Variants in PDE4D observed in about 807,000 individuals in gnomAD.
The protein encoded by PDE4D is 3',5'-cyclic-AMP phosphodiesterase 4D.
PDE4D carries 24 observed loss-of-function variants against 87.4 expected under a neutral mutation model. The observed-to-expected ratio is 0.27, with a 90% confidence interval of 0.20 to 0.39. The LOEUF is 0.39. Ranked by LOEUF, PDE4D falls within the 10% of genes least tolerant of loss-of-function variation. The probability of loss-of-function intolerance (pLI) is 1.00; values close to 1 mark genes in which losing one functional copy is unlikely to be tolerated. For missense variants in PDE4D, 714 were observed against 1,041.0 expected (o/e 0.69, Z 4.32); for synonymous variants, 384 against 383.2 (o/e 1.00, Z -0.02).
rs1763138107 is a variant in PDE4D at position 59,768,784 on chromosome 5, C to T, written c.455+124384G>A. On this transcript the variant is annotated intron_variant, in intron 1 of 14. Transcript: ENST00000340635. Reference sequence around the variant, plus strand: ...GCAAATGAACAAGGAGGGAAAGCACCGCGCTCGCACGGCTTTGTCCGTGCT... The same window carrying T: ...GCAAATGAACAAGGAGGGAAAGCACTGCGCTCGCACGGCTTTGTCCGTGCT... 3 of 633,714 alleles carry T rather than the reference C, an allele frequency of 4.7e-6. No individual in the cohort carries two copies. In the Admixed American group the frequency reaches 1.1e-4, roughly 22 times the overall value. 39.3% of individuals were successfully genotyped at this position (633,714 alleles called of 1,614,324 possible). A position where few individuals can be genotyped will look rare whatever the true frequency, so the allele number is the denominator to read the frequency against.
intron 1 of PDE4D, among the ~76,000 whole-genome samples, chr5:59,402,909 CTAAA>C (rs1314007234): frequency 6.6e-6 from 1 of 152,104 alleles, no homozygotes; most frequent in Non-Finnish European, 1.5e-5. Flanking sequence ...CAATTATTGG[CTAAA>C]TAAACATTCA....
At chr5:59,047,380 A>C (rs1297808104) in intron 5 of PDE4D, among the ~76,000 whole-genome samples, 2 of 152,256 alleles carry the variant, frequency 1.3e-5, no homozygotes, top group African/African-American at 4.8e-5. Context: ...AGTTTAGATC[A>C]GACAGTGGAC....
intron 2 of PDE4D, among the ~76,000 whole-genome samples, chr5:60,126,325 C>T (rs1779120996): frequency 6.6e-6 from 1 of 152,042 alleles, no homozygotes; most frequent in African/African-American, 2.4e-5. Context: ...CTCTAAATAT[C>T]AAGCAGAAAA....
chr5:59,085,334 T>G (rs1767469185), intron 5 of PDE4D, among the ~76,000 whole-genome samples: 3 of 152,264 alleles, frequency 2.0e-5, no homozygotes, highest in African/African-American at 7.2e-5. Context: ...CTCATTGTTG[T>G]TAGTAAAACT....
chr5:59,261,661 C>T (rs1762028798), intron 1 of PDE4D, among the ~76,000 whole-genome samples: 2 of 151,392 alleles, frequency 1.3e-5, no homozygotes, highest in East Asian at 3.9e-4. Flanking sequence ...TTTTGTGTTC[C>T]CTCTCTACAG....
At chr5:60,046,762 G>A (rs1339799405) in intron 2 of PDE4D, among the ~76,000 whole-genome samples, 3 of 152,092 alleles carry the variant, frequency 2.0e-5, no homozygotes, top group African/African-American at 4.8e-5. Context: ...TGCTGGATTT[G>A]GTTTGCCAGT....
intron 1 of PDE4D, among the ~76,000 whole-genome samples, chr5:59,776,635 G>A (rs952640916): frequency 3.3e-5 from 5 of 152,060 alleles, no homozygotes; most frequent in African/African-American, 1.2e-4. Flanking sequence ...GAGTGGGAGA[G>A]CAATGCCTAA....
chr5:59,310,663 C>CT (rs1337527559), intron 1 of PDE4D, among the ~76,000 whole-genome samples: 2 of 152,196 alleles, frequency 1.3e-5, no homozygotes, highest in African/African-American at 4.8e-5. Flanking sequence ...GGTCTAAGGG[C>CT]TGCTGTTTGT....
intron 1 of PDE4D, among the ~76,000 whole-genome samples, chr5:60,232,448 C>T (rs1052717539): frequency 4.0e-5 from 6 of 151,840 alleles, no homozygotes; most frequent in Admixed American, 3.9e-4. Flanking sequence ...ATTCTCCTGG[C>T]ACTGCAGCAT....
chr5:59,004,303 C>A (rs1751136527), intron 6 of PDE4D, among the ~76,000 whole-genome samples: 2 of 152,132 alleles, frequency 1.3e-5, no homozygotes, highest in South Asian at 2.1e-4. Flanking sequence ...ATTTAAATTT[C>A]CCATACTTCA....
intron 5 of PDE4D, chr5:59,157,313 C>T (rs958550704): frequency 2.3e-5 from 16 of 702,418 alleles, no homozygotes; most frequent in South Asian, 4.4e-5. Flanking sequence ...CAGGGTCACA[C>T]GTGTTTCACA....
chr5:59,353,622 T>C (rs563788247), intron 1 of PDE4D, among the ~76,000 whole-genome samples: 2 of 151,734 alleles, frequency 1.3e-5, no homozygotes, highest in East Asian at 3.9e-4. Context: ...GTTGGCAATC[T>C]CTTCTGGGCT....
At chr5:60,018,692 A>G (rs1415692507) in intron 2 of PDE4D, among the ~76,000 whole-genome samples, 1 of 152,216 alleles carries the variant, frequency 6.6e-6, no homozygotes, top group East Asian at 1.9e-4. Context: ...TTGCAATCCT[A>G]GTTTCTGACA....
chr5:60,231,942 G>T (rs559053760), intron 1 of PDE4D, among the ~76,000 whole-genome samples: 1 of 151,942 alleles, frequency 6.6e-6, no homozygotes, highest in Non-Finnish European at 1.5e-5. Flanking sequence ...GAGACATCCC[G>T]CTGTGAGCTG....
intron 1 of PDE4D, among the ~76,000 whole-genome samples, chr5:60,474,153 A>ATAT (rs1477103420): frequency 2.3e-4 from 10 of 44,256 alleles, no homozygotes; most frequent in African/African-American, 1.3e-3. Context: ...TATATATAAC[A>ATAT]AAAACCTTAG....
At chr5:60,405,074 A>G (rs1256293069) in intron 1 of PDE4D, among the ~76,000 whole-genome samples, 1 of 152,254 alleles carries the variant, frequency 6.6e-6, no homozygotes, top group Non-Finnish European at 1.5e-5. Flanking sequence ...GACATCTGTC[A>G]GTTCTCTTCT....
At chr5:59,304,404 T>C (rs776354498) in intron 1 of PDE4D, among the ~76,000 whole-genome samples, 6 of 152,174 alleles carry the variant, frequency 3.9e-5, no homozygotes, top group Non-Finnish European at 8.8e-5. Context: ...TCTTGTCTGA[T>C]TGCTCTTGCT....
At chr5:59,377,429 A>AT (rs555590961) in intron 1 of PDE4D, among the ~76,000 whole-genome samples, 2 of 149,518 alleles carry the variant, frequency 1.3e-5, no homozygotes, top group African/African-American at 5.0e-5. Flanking sequence ...AAAAAAAAAA[A>AT]AAAATATGTC....
At chr5:60,286,538 GGCC>G (rs879753151) in intron 1 of PDE4D, among the ~76,000 whole-genome samples, 15,114 of 152,216 alleles carry the variant, frequency 0.099, 1,035 homozygotes, top group South Asian at 0.29. Context: ...AATATGATGT[GGCC>G]GCTAAGAGAT....
Sources: allele counts gnomAD v4.1 joint callset (sites outside exome capture counted in the v4.1 genomes callset), GRCh38; gene constraint gnomAD v4.1.1; transcripts MANE v1.5; gene names NCBI Gene and HGNC (gene_info 2026-07-23, HGNC 2026-07-21).